CSRNP3: variants seen among roughly 807,000 people sequenced by gnomAD.
CSRNP3 encodes the protein cysteine and serine rich nuclear protein 3.
In CSRNP3, 12 loss-of-function variants were observed where a neutral mutation model predicts 48.0. That is an observed-to-expected ratio of 0.25 (90% CI 0.16 to 0.41). The LOEUF (loss-of-function observed/expected upper bound fraction) is 0.41. Ranked by LOEUF, CSRNP3 falls within the 10% of genes least tolerant of loss-of-function variation. The pLI is 1.00. For synonymous variants in CSRNP3, 263 were observed against 269.7 expected, an observed-to-expected ratio of 0.98 and a Z score of 0.24; for missense variants, 580 against 724.4, an observed-to-expected ratio of 0.80 and a Z score of 2.29.
chr2:165,580,291 C>T (rs1448168924), intron 3 of CSRNP3, among the ~76,000 whole-genome samples: 1 of 152,104 alleles, frequency 6.6e-6, no homozygotes, highest in African/African-American at 2.4e-5. Context: ...ACAAGTTTTA[C>T]ATTTCCGTAG....
intron 3 of CSRNP3, among the ~76,000 whole-genome samples, chr2:165,547,243 C>T (rs1186092514): frequency 6.6e-5 from 10 of 152,094 alleles, no homozygotes; most frequent in Non-Finnish European, 1.0e-4. Context: ...AAATTATTTT[C>T]AAATTTTCAA....
chr2:165,630,423 T>A (rs1686516870), intron 4 of CSRNP3, among the ~76,000 whole-genome samples: 1 of 152,162 alleles, frequency 6.6e-6, no homozygotes, highest in Non-Finnish European at 1.5e-5. Context: ...TATAATGCCT[T>A]CTCTTTGATC....
intron 5 of CSRNP3, among the ~76,000 whole-genome samples, chr2:165,665,773 GAA>G (rs1553484194): frequency 2.8e-4 from 33 of 117,610 alleles, no homozygotes; most frequent in Admixed American, 1.3e-3. Context: ...GGAAAAGAAA[GAA>G]AGAGAGAGAG....
chr2:165,548,575 CA>C, intron 3 of CSRNP3, among the ~76,000 whole-genome samples: 1 of 152,122 alleles, frequency 6.6e-6, no homozygotes, highest in East Asian at 1.9e-4. Context: ...ACAAAGATCG[CA>C]AACAAGATTT....
chr2:165,584,055 T>G (rs1685589109), intron 3 of CSRNP3, among the ~76,000 whole-genome samples: 1 of 152,206 alleles, frequency 6.6e-6, no homozygotes, highest in Non-Finnish European at 1.5e-5. Context: ...CATGGGGAGA[T>G]GTGCTCTGTT....
intron 2 of CSRNP3, among the ~76,000 whole-genome samples, chr2:165,508,912 T>C (rs937730964): frequency 2.6e-5 from 4 of 152,206 alleles, no homozygotes; most frequent in Admixed American, 2.6e-4. Flanking sequence ...GGCTATAATA[T>C]ATATTCTTTA....
intron 1 of CSRNP3, among the ~76,000 whole-genome samples, chr2:165,486,040 C>G (rs966656616): frequency 1.3e-5 from 2 of 152,102 alleles, no homozygotes; most frequent in African/African-American, 4.8e-5. Flanking sequence ...GTACCGGGTT[C>G]ATCTCACTAG....
intron 3 of CSRNP3, among the ~76,000 whole-genome samples, chr2:165,543,667 T>G (rs1351785397): frequency 6.6e-6 from 1 of 152,124 alleles, no homozygotes; most frequent in East Asian, 1.9e-4. Flanking sequence ...CATTTTTAAT[T>G]TTCATGGGCA....
intron 1 of CSRNP3, among the ~76,000 whole-genome samples, chr2:165,484,667 A>T (rs986936196): frequency 6.6e-6 from 1 of 152,192 alleles, no homozygotes; most frequent in Non-Finnish European, 1.5e-5. Context: ...AAGAATGTTC[A>T]TAATAACTGT....
intron 3 of CSRNP3, among the ~76,000 whole-genome samples, chr2:165,573,142 C>T (rs1685397746): frequency 6.9e-6 from 1 of 144,754 alleles, no homozygotes; most frequent in South Asian, 2.2e-4. Context: ...ACTTTAGTAA[C>T]ACATATCTGT....
chr2:165,662,139 A>AGATGTTATTTTGAAAACAAAATAAT (rs2105349807), intron 5 of CSRNP3, among the ~76,000 whole-genome samples: 1 of 149,800 alleles, frequency 6.7e-6, no homozygotes, highest in African/African-American at 2.4e-5. Flanking sequence ...AACAAAATAA[A>AGATGTTATTTTGAAAACAAAATAAT]GATGTTATTT....
intron 5 of CSRNP3, among the ~76,000 whole-genome samples, chr2:165,663,016 C>T (rs986004315): frequency 6.6e-6 from 1 of 152,028 alleles, no homozygotes; most frequent in African/African-American, 2.4e-5. Flanking sequence ...AAATTTTTTT[C>T]ATCCCAAATC....
intron 3 of CSRNP3, among the ~76,000 whole-genome samples, chr2:165,527,783 T>A (rs1489801255): frequency 1.3e-5 from 2 of 152,184 alleles, no homozygotes; most frequent in African/African-American, 4.8e-5. Flanking sequence ...AAAGTATGTT[T>A]ATTTCATAGA....
In CSRNP3 at chr2:165,678,716, T is replaced by C; in HGVS notation, c.721T>C (p.Phe241Leu). The C allele has an allele frequency of 6.2e-7, 1 of 1,613,702 alleles. No homozygotes were observed. Among genetic ancestry groups the C allele is most frequent in the Non-Finnish European group, 8.5e-7 (1 of 1,179,742 alleles). The change falls in exon 7 of 7, where the codon TTC (phenylalanine) becomes CTC (leucine). Residue 241 changes from phenylalanine (F) to leucine (L), a missense_variant. By Grantham distance (22) the Phe-to-Leu change is conservative (BLOSUM62 0). Coordinates refer to ENST00000651982, the MANE Select transcript of CSRNP3 (RefSeq NM_001172173.2). Reference protein sequence around the residue: ...GIKCQVDRMSFPCGCTKEGCS... With the variant: ...GIKCQVDRMSLPCGCTKEGCS... ...TCCTTCCAAGGTGGATCGTATGTCT[T>C]TCCCATGCGGCTGCACTAAAGAAGG...
At chr2:165,578,640 C>T (rs1336167441) in intron 3 of CSRNP3, among the ~76,000 whole-genome samples, 1 of 137,402 alleles carries the variant, frequency 7.3e-6, no homozygotes, top group Non-Finnish European at 1.7e-5. Context: ...AGGATTCTTA[C>T]TTTAACAAAC....
chr2:165,509,722 C>G (rs1684476999), intron 2 of CSRNP3, among the ~76,000 whole-genome samples: 1 of 152,178 alleles, frequency 6.6e-6, no homozygotes, highest in East Asian at 1.9e-4. Context: ...CAATAGCACA[C>G]TTGTCAAAGT....
At chr2:165,553,635 A>G (rs953447126) in intron 3 of CSRNP3, among the ~76,000 whole-genome samples, 2 of 151,996 alleles carry the variant, frequency 1.3e-5, no homozygotes, top group African/African-American at 4.8e-5. Context: ...CTTGTTTCCC[A>G]TTTCACTGAT....
At chr2:165,605,022 T>C (rs1685986695) in intron 4 of CSRNP3, among the ~76,000 whole-genome samples, 2 of 152,204 alleles carry the variant, frequency 1.3e-5, no homozygotes, top group Non-Finnish European at 2.9e-5. Flanking sequence ...ATTTGTTTTG[T>C]ACCATATCAC....
intron 5 of CSRNP3, among the ~76,000 whole-genome samples, chr2:165,661,542 C>A (rs1040805511): frequency 1.3e-5 from 2 of 152,092 alleles, no homozygotes; most frequent in Non-Finnish European, 2.9e-5. Context: ...AAATTCAAAG[C>A]CTAGTTTCTA....
Sources: allele counts gnomAD v4.1 joint callset (sites outside exome capture counted in the v4.1 genomes callset), GRCh38; gene constraint gnomAD v4.1.1; transcripts MANE v1.5; gene names NCBI Gene and HGNC (gene_info 2026-07-23, HGNC 2026-07-21).